The following C8orf89 variants were observed in gnomAD, a reference collection of about 807,000 sequenced individuals.
The protein encoded by C8orf89 is putative uncharacterized protein C8orf89.
A neutral mutation model predicts 15.8 loss-of-function variants in C8orf89; 14 were observed. That is an observed-to-expected ratio of 0.89 (90% CI 0.59 to 1.39). The LOEUF is 1.39. C8orf89 is among the 40% of genes most tolerant of loss of function. The probability of loss-of-function intolerance (pLI) is 0.00; values close to 1 mark genes in which losing one functional copy is unlikely to be tolerated. For synonymous variants in C8orf89, 55 were observed against 62.2 expected, an observed-to-expected ratio of 0.88 and a Z score of 0.54; for missense variants, 181 against 184.5, an observed-to-expected ratio of 0.98 and a Z score of 0.11.
At chr8:73,273,581 G>C in the C8orf89 span, among the ~76,000 whole-genome samples, 1 of 152,118 alleles carries the variant, frequency 6.6e-6, no homozygotes, top group Non-Finnish European at 1.5e-5. Context: ...AATAGCCTGG[G>C]CGCCATGGGC....
chr8:73,275,231 C>CTTT, the C8orf89 span, among the ~76,000 whole-genome samples: 84 of 84,740 alleles, frequency 9.9e-4, no homozygotes, highest in Middle Eastern at 9.6e-3. Flanking sequence ...TGTAATAGTT[C>CTTT]TTTTTTTTTT....
chr8:73,266,624 G>T, the C8orf89 span, among the ~76,000 whole-genome samples: 1 of 152,060 alleles, frequency 6.6e-6, no homozygotes, highest in East Asian at 1.9e-4. Context: ...TTCCAGTGTT[G>T]GAGAAAAACA....
At chr8:73,259,133 A>T (rs1485236571) in intron 1 of C8orf89, among the ~76,000 whole-genome samples, 199 bp downstream of exon 1, 4 of 152,162 alleles carry the variant, frequency 2.6e-5, no homozygotes, top group Non-Finnish European at 5.9e-5. Context: ...GCTCTTTAAA[A>T]TTTGTTTCCA....
the C8orf89 span, among the ~76,000 whole-genome samples, chr8:73,269,827 C>A: frequency 4.6e-5 from 7 of 152,208 alleles, no homozygotes; most frequent in African/African-American, 1.7e-4. Context: ...AAAATCAGCA[C>A]TACTCAGCAC....
chr8:73,277,767 G>A, the C8orf89 span: 19 of 739,798 alleles, frequency 2.6e-5, no homozygotes, highest in Non-Finnish European at 2.5e-5. Flanking sequence ...GGACAGATCC[G>A]CAGCTTCCCC....
At chr8:73,266,794 G>A in the C8orf89 span, among the ~76,000 whole-genome samples, 2 of 151,472 alleles carry the variant, frequency 1.3e-5, no homozygotes, top group Admixed American at 6.6e-5. Flanking sequence ...ATCAAACCAA[G>A]AGCATTAAAA....
chr8:73,272,540 G>A, the C8orf89 span, among the ~76,000 whole-genome samples: 1 of 151,754 alleles, frequency 6.6e-6, no homozygotes, highest in African/African-American at 2.4e-5. Context: ...GTGCCGTGTT[G>A]GTGTGCTGCA....
At chr8:73,272,865 C>A in the C8orf89 span, among the ~76,000 whole-genome samples, 2 of 152,102 alleles carry the variant, frequency 1.3e-5, no homozygotes, top group African/African-American at 4.8e-5. Context: ...TTATTATTAT[C>A]ATCTCTATTT....
At chr8:73,260,517 C>T (rs1417750064), upstream of C8orf89, among the ~76,000 whole-genome samples, 1 of 151,960 alleles carries the variant, frequency 6.6e-6, no homozygotes, top group Non-Finnish European at 1.5e-5. Context: ...CACATGTACC[C>T]TAGAACTTAA....
chr8:73,258,150 G>A (rs530550902), intron 1 of C8orf89, among the ~76,000 whole-genome samples: 1 of 152,114 alleles, frequency 6.6e-6, no homozygotes, highest in Non-Finnish European at 1.5e-5. Flanking sequence ...GGTGGCTTAC[G>A]CCTGTAATCC....
At position 73,254,862 on chromosome 8, in the gene C8orf89, T is replaced by C. The variant is rs975229027; in HGVS notation, c.281+2111A>G. 4.4e-4 allele frequency among the ~76,000 whole-genome samples: 67 copies of C among 152,154 alleles called. 1 individual carries two copies. The highest frequency in any genetic ancestry group is 1.9e-4 in the East Asian group (1 of 5,202). On this transcript the variant is annotated intron_variant, in intron 2 of 3. Coordinates refer to ENST00000624510, the MANE Select transcript of C8orf89 (RefSeq NM_001243237.3). ...TGACAAACCTGAGAAAAATAAGCAA[T>C]GGGGAAAGGATTCCCTATTTAATAA...
At chr8:73,275,011 T>A in the C8orf89 span, among the ~76,000 whole-genome samples, 1 of 152,338 alleles carries the variant, frequency 6.6e-6, no homozygotes, top group South Asian at 2.1e-4. Flanking sequence ...ACAGTTAATA[T>A]CTTTGTAAAT....
At chr8:73,267,466 T>A in the C8orf89 span, among the ~76,000 whole-genome samples, 2 of 152,228 alleles carry the variant, frequency 1.3e-5, no homozygotes, top group Non-Finnish European at 1.5e-5. Context: ...TTACTCATCT[T>A]TGGAGGATAC....
the C8orf89 span, among the ~76,000 whole-genome samples, chr8:73,285,714 C>G: frequency 6.6e-6 from 1 of 152,200 alleles, no homozygotes; most frequent in Non-Finnish European, 1.5e-5. Flanking sequence ...GCAGCGGGCA[C>G]AGCGGGCAGT....
At chr8:73,246,241 T>C (rs768237885) in intron 3 of C8orf89, among the ~76,000 whole-genome samples, 278 of 152,238 alleles carry the variant, frequency 1.8e-3, no homozygotes, top group Non-Finnish European at 1.1e-3. Context: ...ACTTACTTTG[T>C]TGCAGAAACT....
At chr8:73,284,805 G>A in the C8orf89 span, among the ~76,000 whole-genome samples, 13 of 152,168 alleles carry the variant, frequency 8.5e-5, no homozygotes, top group African/African-American at 3.1e-4. Flanking sequence ...ATTTTAACTT[G>A]TTAACAATGT....
chr8:73,259,190 C>T (rs1249494935), intron 1 of C8orf89, 142 bp downstream of exon 1: 2 of 531,056 alleles, frequency 3.8e-6, no homozygotes, highest in Non-Finnish European at 6.2e-6. Context: ...TAGTTTGCTT[C>T]CATTTTTCTT....
At chr8:73,244,843 T>A (rs1010341692) in intron 3 of C8orf89, among the ~76,000 whole-genome samples, 1 of 152,148 alleles carries the variant, frequency 6.6e-6, no homozygotes, top group Non-Finnish European at 1.5e-5. Context: ...TACACACAAA[T>A]GCAATTAAGT....
upstream of C8orf89, among the ~76,000 whole-genome samples, chr8:73,264,124 T>C (rs986287341): frequency 6.6e-6 from 1 of 152,148 alleles, no homozygotes; most frequent in Admixed American, 6.5e-5. Flanking sequence ...CACTTCAGTG[T>C]AACTATACTT....
Sources: gnomAD v4.1 joint callset for allele counts (sites outside exome capture counted in the v4.1 genomes callset) on GRCh38, gnomAD v4.1.1 for gene constraint, MANE v1.5 for transcripts, NCBI Gene and HGNC (gene_info 2026-07-23, HGNC 2026-07-21) for gene names.